FAM210A: variants seen among roughly 807,000 people sequenced by gnomAD.
The protein encoded by FAM210A is family with sequence similarity 210 member A.
FAM210A carries 13 observed loss-of-function variants against 25.3 expected under a neutral mutation model. That is an observed-to-expected ratio of 0.51 (90% CI 0.33 to 0.82). The LOEUF (loss-of-function observed/expected upper bound fraction) is 0.82. Among genes scored for constraint, FAM210A ranks in the 40% least tolerant of loss-of-function variants. The probability of loss-of-function intolerance (pLI) is 0.02; values close to 1 mark genes in which losing one functional copy is unlikely to be tolerated. For synonymous variants in FAM210A, 125 were observed against 118.7 expected (o/e 1.05, Z -0.35); for missense variants, 319 against 323.2 (o/e 0.99, Z 0.10).
chr18:13,721,385 T>A (rs1425691877), intron 1 of FAM210A, among the ~76,000 whole-genome samples: 1 of 152,128 alleles, frequency 6.6e-6, no homozygotes, highest in Non-Finnish European at 1.5e-5. Flanking sequence ...CTCAGTTAAG[T>A]TTATGATAAT....
intron 1 of FAM210A, 86 bp from the exon 2 acceptor site, chr18:13,682,191 T>C (rs2043561174): frequency 2.2e-6 from 2 of 912,242 alleles, no homozygotes; most frequent in South Asian, 1.7e-5. Flanking sequence ...CATTAACCAT[T>C]AGGAAGTAAA....
At chr18:13,723,667 G>A (rs540576142) in intron 1 of FAM210A, among the ~76,000 whole-genome samples, 13 of 152,286 alleles carry the variant, frequency 8.5e-5, no homozygotes, top group East Asian at 5.8e-4. Context: ...TGTTAACCAC[G>A]TCTTCAGAAT....
chr18:13,698,538 T>C (rs934749786), intron 1 of FAM210A, among the ~76,000 whole-genome samples: 51 of 152,044 alleles, frequency 3.4e-4, no homozygotes, highest in African/African-American at 1.2e-3. Flanking sequence ...CAGAGACAGG[T>C]TAGTCCAAAC....
At chr18:13,678,283 A>T (rs74689770) in intron 2 of FAM210A, among the ~76,000 whole-genome samples, 22 of 146,238 alleles carry the variant, frequency 1.5e-4, no homozygotes, top group Non-Finnish European at 2.6e-4. Flanking sequence ...TAGTTCCAAT[A>T]TTTTTTTTTT....
chr18:13,676,438 GC>G (rs753051125), intron 2 of FAM210A, among the ~76,000 whole-genome samples: 5 of 87,698 alleles, frequency 5.7e-5, no homozygotes, highest in Non-Finnish European at 1.3e-4. Context: ...ACAGTCCTGA[GC>G]CCCTGACCTC....
At chr18:13,683,301 A>T (rs907790758) in intron 1 of FAM210A, among the ~76,000 whole-genome samples, 4 of 152,202 alleles carry the variant, frequency 2.6e-5, no homozygotes, top group Non-Finnish European at 5.9e-5. Flanking sequence ...TGGCGAGAAG[A>T]ATTGCCTGGT....
intron 2 of FAM210A, 88 bp downstream of exon 2, chr18:13,681,517 T>G: frequency 1.9e-6 from 2 of 1,063,822 alleles, no homozygotes; most frequent in Non-Finnish European, 2.7e-6. Context: ...ATTAAAGCAT[T>G]TAAAAATCTA....
At chr18:13,671,495 T>A in intron 3 of FAM210A, among the ~76,000 whole-genome samples, 1 of 152,152 alleles carries the variant, frequency 6.6e-6, no homozygotes, top group South Asian at 2.1e-4. Flanking sequence ...AAGTTATGAA[T>A]GATCTACCAA....
intron 2 of FAM210A, among the ~76,000 whole-genome samples, chr18:13,674,800 C>A (rs2043476942): frequency 7.7e-6 from 1 of 129,166 alleles, no homozygotes; most frequent in African/African-American, 2.9e-5. Context: ...CATTCCTGAG[C>A]CCCGACTTCA....
At chr18:13,682,421 A>G (rs1485950348) in intron 1 of FAM210A, among the ~76,000 whole-genome samples, 1 of 152,064 alleles carries the variant, frequency 6.6e-6, no homozygotes, top group Non-Finnish European at 1.5e-5. Flanking sequence ...TACAAAAATT[A>G]GCCAGGTGTG....
At chr18:13,690,653 G>A (rs2043635726) in intron 1 of FAM210A, among the ~76,000 whole-genome samples, 1 of 152,162 alleles carries the variant, frequency 6.6e-6, no homozygotes, top group African/African-American at 2.4e-5. Flanking sequence ...GGTCTGGAGT[G>A]GACCTCCAGC....
Position 13,682,101 on chromosome 18 carries a change from A to C in FAM210A, c.-24T>G. ...ATTTTGAAGAGTGTTGATAGGTTTC[A>C]GCTTCTACAAAGACAATTTTTCAAA... On this transcript the variant is annotated 5_prime_UTR_variant, in exon 2 of 4. Transcript: ENST00000651643. 1 of 1,526,266 alleles carries C rather than the reference A, an allele frequency of 6.6e-7. No individual in the cohort carries two copies. The highest frequency in any genetic ancestry group is 8.8e-7 in the Non-Finnish European group (1 of 1,138,506). The allele number at this position is 1,526,266 out of a possible 1,614,324, so 94.5% of individuals were successfully genotyped here. A position where few individuals can be genotyped will look rare whatever the true frequency, so the allele number is the denominator to read the frequency against.
rs750189472 is a variant in FAM210A, at chr18:13,681,787, TG to T, written c.290del (p.Ser97TyrfsTer41). On this transcript the variant is annotated frameshift_variant, in exon 2 of 4. Coordinates refer to ENST00000651643, the MANE Select transcript of FAM210A (RefSeq NM_152352.4). LOFTEE classifies it high-confidence loss of function. ...GAGTTCCCTGAGCTGTGGCACTGGA[TG>T]AAAAAACCCTCCTGAATGAAACATG... The part of the protein sequence containing the change: ...KQHVSFRRVF[S>X]SSATAQGTPE... 6.2e-7 allele frequency: 1 copy of T among 1,614,168 alleles called. No individual in the cohort carries two copies. The highest frequency in any genetic ancestry group is 8.5e-7 in the Non-Finnish European group (1 of 1,180,046).
intron 2 of FAM210A, among the ~76,000 whole-genome samples, chr18:13,674,585 CT>C (rs2043474613): frequency 6.8e-5 from 1 of 14,662 alleles, no homozygotes; most frequent in African/African-American, 2.2e-4. Context: ...TGAGCCCCGA[CT>C]TTATTTCCAG....
chr18:13,681,783 T>A lies in FAM210A; in HGVS notation c.295A>T (p.Ser99Cys). 1 of 1,614,212 alleles carries A rather than the reference T, an allele frequency of 6.2e-7. No homozygotes were observed. The highest frequency in any genetic ancestry group is 8.5e-7 in the Non-Finnish European group (1 of 1,180,038). ...TCCGGAGTTCCCTGAGCTGTGGCAC[T>A]GGATGAAAAAACCCTCCTGAATGAA... is the stretch of plus-strand genomic sequence containing the variant. Reference protein sequence around the residue: ...HVSFRRVFSSSATAQGTPEKK... With the variant: ...HVSFRRVFSSCATAQGTPEKK... The change falls in exon 2 of 4, where the codon AGT (serine) becomes TGT (cysteine). Residue 99 changes from serine to cysteine, a missense_variant. Transcript: ENST00000651643.
At chr18:13,708,231 A>G (rs761236471) in intron 1 of FAM210A, among the ~76,000 whole-genome samples, 2 of 152,246 alleles carry the variant, frequency 1.3e-5, no homozygotes, top group Admixed American at 6.5e-5. Flanking sequence ...AAAATATTGC[A>G]GAGGATACAG....
intron 1 of FAM210A, among the ~76,000 whole-genome samples, chr18:13,716,008 T>G (rs966640151): frequency 5.9e-5 from 9 of 152,240 alleles, no homozygotes; most frequent in Non-Finnish European, 1.3e-4. Context: ...AGGTAGCCAC[T>G]ACACACAGCT....
chr18:13,703,001 T>G (rs1568486378), intron 1 of FAM210A, among the ~76,000 whole-genome samples: 1 of 152,196 alleles, frequency 6.6e-6, no homozygotes, highest in Non-Finnish European at 1.5e-5. Context: ...AAGCAGATAT[T>G]CAAGCTCTAA....
chr18:13,710,736 C>T (rs2043814618), intron 1 of FAM210A, among the ~76,000 whole-genome samples: 1 of 152,166 alleles, frequency 6.6e-6, no homozygotes, highest in South Asian at 2.1e-4. Flanking sequence ...TTTCCACACC[C>T]TATGATTTCA....
Sources: gnomAD v4.1 joint callset for allele counts (sites outside exome capture counted in the v4.1 genomes callset) on GRCh38, gnomAD v4.1.1 for gene constraint, MANE v1.5 for transcripts, NCBI Gene and HGNC (gene_info 2026-07-23, HGNC 2026-07-21) for gene names.